The following PTPRO variants were observed in gnomAD, a reference collection of about 807,000 sequenced individuals.
The protein encoded by PTPRO is protein tyrosine phosphatase receptor type O.
Under a neutral mutation model 145.2 loss-of-function variants are expected in PTPRO, and 62 were observed. The ratio of observed to expected loss-of-function variants is 0.43; its 90% CI spans 0.35 to 0.53. The LOEUF (loss-of-function observed/expected upper bound fraction) is 0.53, where lower values mean the gene tolerates loss of function less well. Among genes scored for constraint, PTPRO ranks in the 20% least tolerant of loss-of-function variants. PTPRO has a pLI of 0.01. For synonymous variants in PTPRO, 565 were observed against 514.7 expected (o/e 1.10, Z -1.32); for missense variants, 1,345 against 1,482.7 (o/e 0.91, Z 1.53).
intron 1 of PTPRO, among the ~76,000 whole-genome samples, chr12:15,369,684 A>C (rs1938466609): frequency 6.6e-6 from 1 of 152,292 alleles, no homozygotes; most frequent in South Asian, 2.1e-4. Context: ...CTCCCTTCAT[A>C]TATATTGATT....
chr12:15,327,743 C>T (rs1021088150), intron 1 of PTPRO, among the ~76,000 whole-genome samples: 12 of 152,082 alleles, frequency 7.9e-5, no homozygotes, highest in Non-Finnish European at 2.9e-5. Context: ...GTAAAGTGAG[C>T]AAGAGTGTGA....
At chr12:15,591,951 C>T (rs1454455040) in intron 25 of PTPRO, among the ~76,000 whole-genome samples, 1 of 152,120 alleles carries the variant, frequency 6.6e-6, no homozygotes, top group Non-Finnish European at 1.5e-5. Flanking sequence ...CCTGAACTCT[C>T]ATGGGGAGTT....
chr12:15,437,857 C>T (rs1434408614), intron 1 of PTPRO, among the ~76,000 whole-genome samples: 1 of 152,204 alleles, frequency 6.6e-6, no homozygotes, highest in Non-Finnish European at 1.5e-5. Flanking sequence ...ATCAGGGGAC[C>T]TCCAGGCAGA....
chr12:15,576,905 T>C (rs150137383), intron 19 of PTPRO, among the ~76,000 whole-genome samples: 1 of 152,312 alleles, frequency 6.6e-6, no homozygotes, highest in East Asian at 1.9e-4. Flanking sequence ...GAGGTAGATT[T>C]CTGAAATAAT....
chr12:15,548,547 T>C (rs1029609093), intron 13 of PTPRO, among the ~76,000 whole-genome samples: 1 of 152,004 alleles, frequency 6.6e-6, no homozygotes, highest in African/African-American at 2.4e-5. Context: ...TGTGTGTGTG[T>C]GTGTGTCTAT....
At chr12:15,480,742 GATGGATGGATGGATGGATGGATGC>G (rs1047459653) in intron 1 of PTPRO, among the ~76,000 whole-genome samples, 2 of 150,354 alleles carry the variant, frequency 1.3e-5, no homozygotes, top group African/African-American at 2.4e-5. Flanking sequence ...TGGATGGATG[GATGGATGGATGGATGGATGGATGC>G]ATGGATGGAC....
At chr12:15,575,267 G>A (rs1175560785) in intron 19 of PTPRO, among the ~76,000 whole-genome samples, 1 of 152,172 alleles carries the variant, frequency 6.6e-6, no homozygotes, top group Non-Finnish European at 1.5e-5. Flanking sequence ...CTTCCCACTG[G>A]CAGCTTGAAT....
In PTPRO at chr12:15,379,485, C is replaced by A. The variant is rs897922640; in HGVS notation, c.75+56684C>A. Among the ~76,000 whole-genome samples, 3 of 137,266 alleles carry A rather than the reference C, an allele frequency of 2.2e-5. No homozygotes were observed. In the East Asian group the frequency reaches 6.3e-4, roughly 29 times the overall value. The allele number at this position is 137,266 out of a possible 152,430, so 90.1% of individuals were successfully genotyped here. On this transcript the variant is annotated intron_variant, in intron 1 of 26. Transcript: ENST00000281171. ...GGTGGAGATTGCAGTGAGCCCAGAT[C>A]GTGCCATTGCACTCCAGCCTAGGTG... is the stretch of plus-strand genomic sequence containing the variant.
At chr12:15,554,881 T>A (rs1273105878) in intron 15 of PTPRO, among the ~76,000 whole-genome samples, 1 of 152,204 alleles carries the variant, frequency 6.6e-6, no homozygotes, top group Non-Finnish European at 1.5e-5. Flanking sequence ...CAAGTGCAGG[T>A]GCAGAGTAGC....
chr12:15,539,350 G>A (rs1943131189), intron 12 of PTPRO, among the ~76,000 whole-genome samples: 1 of 151,992 alleles, frequency 6.6e-6, no homozygotes, highest in South Asian at 2.1e-4. Flanking sequence ...ATGTTAAATG[G>A]GAGCTTTCTC....
chr12:15,541,472 T>G (rs1758535775), intron 12 of PTPRO, among the ~76,000 whole-genome samples: 1 of 152,192 alleles, frequency 6.6e-6, no homozygotes, highest in South Asian at 2.1e-4. Flanking sequence ...ACAGACTGGG[T>G]GGCTTAAACA....
At chr12:15,476,707 T>A (rs1476229444) in intron 1 of PTPRO, among the ~76,000 whole-genome samples, 1 of 150,226 alleles carries the variant, frequency 6.7e-6, no homozygotes, top group Non-Finnish European at 1.5e-5. Context: ...AGGTCTCAGT[T>A]CTCAAAAGAA....
At chr12:15,372,846 T>G (rs1054013857) in intron 1 of PTPRO, among the ~76,000 whole-genome samples, 13 of 152,156 alleles carry the variant, frequency 8.5e-5, no homozygotes, top group African/African-American at 3.1e-4. Flanking sequence ...AAATAGACTA[T>G]CTTAGTCAGT....
intron 1 of PTPRO, among the ~76,000 whole-genome samples, chr12:15,428,418 T>C (rs550132085): frequency 5.3e-5 from 8 of 152,094 alleles, no homozygotes; most frequent in Non-Finnish European, 1.0e-4. Flanking sequence ...TATTTTGATA[T>C]TAAAATTAGG....
At chr12:15,425,545 T>C (rs766253650) in intron 1 of PTPRO, among the ~76,000 whole-genome samples, 19 of 152,158 alleles carry the variant, frequency 1.2e-4, no homozygotes, top group Non-Finnish European at 2.1e-4. Context: ...GCTCAGATTA[T>C]AAAATAACCT....
At chr12:15,446,371 C>T (rs1265849016) in intron 1 of PTPRO, among the ~76,000 whole-genome samples, 1 of 152,026 alleles carries the variant, frequency 6.6e-6, no homozygotes, top group African/African-American at 2.4e-5. Flanking sequence ...GCCCTGTCCA[C>T]AAAAGAGATG....
intron 16 of PTPRO, among the ~76,000 whole-genome samples, chr12:15,559,793 T>C (rs1445599072): frequency 6.6e-6 from 1 of 152,188 alleles, no homozygotes; most frequent in Non-Finnish European, 1.5e-5. Flanking sequence ...TGTTTAGCTG[T>C]CAAATGATGT....
chr12:15,517,450 T>A (rs1942623639), intron 9 of PTPRO, among the ~76,000 whole-genome samples: 1 of 152,048 alleles, frequency 6.6e-6, no homozygotes, highest in Non-Finnish European at 1.5e-5. Context: ...CCCTCCCAAA[T>A]CTCATGTCCT....
At chr12:15,494,503 C>T (rs368057974) in intron 2 of PTPRO, among the ~76,000 whole-genome samples, 22 of 152,246 alleles carry the variant, frequency 1.4e-4, no homozygotes, top group South Asian at 1.0e-3. Context: ...TTAGACTATA[C>T]GTTTGAGTTC....
Sources: gnomAD v4.1 joint callset for allele counts (sites outside exome capture counted in the v4.1 genomes callset) on GRCh38, gnomAD v4.1.1 for gene constraint, MANE v1.5 for transcripts, NCBI Gene and HGNC (gene_info 2026-07-23, HGNC 2026-07-21) for gene names.